The following PRKCA variants were observed in gnomAD, a reference collection of about 807,000 sequenced individuals.
The protein encoded by PRKCA is protein kinase C alpha, also known as protein kinase C alpha type.
PRKCA carries 27 observed loss-of-function variants against 87.0 expected under a neutral mutation model. The ratio of observed to expected loss-of-function variants is 0.31; its 90% confidence interval spans 0.23 to 0.43. The LOEUF is 0.43. PRKCA is among the 20% of genes least tolerant of loss of function. The pLI is 1.00. For synonymous variants in PRKCA, 329 were observed against 311.1 expected (o/e 1.06, Z -0.61); for missense variants, 518 against 852.3 (o/e 0.61, Z 4.88).
At chr17:66,628,884 C>T (rs535511915) in intron 3 of PRKCA, among the ~76,000 whole-genome samples, 1 of 152,238 alleles carries the variant, frequency 6.6e-6, no homozygotes, top group African/African-American at 2.4e-5. Context: ...AAAAAATTAG[C>T]CAGGCATGTT....
intron 14 of PRKCA, among the ~76,000 whole-genome samples, chr17:66,776,373 C>T (rs1975049565): frequency 1.3e-5 from 2 of 152,088 alleles, no homozygotes; most frequent in African/African-American, 4.8e-5. Flanking sequence ...GTCGGTGGCG[C>T]GATCTCAGCT....
intron 2 of PRKCA, among the ~76,000 whole-genome samples, chr17:66,336,227 A>C (rs970942937): frequency 6.6e-6 from 1 of 152,238 alleles, no homozygotes; most frequent in African/African-American, 2.4e-5. Context: ...CATAATATCA[A>C]ACAAGACTGA....
intron 16 of PRKCA, among the ~76,000 whole-genome samples, chr17:66,800,601 T>A (rs1385688493): frequency 6.6e-6 from 1 of 152,228 alleles, no homozygotes. Context: ...GTTTGCTTTT[T>A]AATTTTTCCT....
intron 5 of PRKCA, among the ~76,000 whole-genome samples, chr17:66,659,741 A>G (rs7215434): frequency 0.056 from 8,521 of 151,778 alleles, 793 homozygotes; most frequent in African/African-American, 0.19. Flanking sequence ...ACTCCGTCAC[A>G]AAAAAAAGAA....
chr17:66,386,223 A>G (rs2143613486), intron 2 of PRKCA, among the ~76,000 whole-genome samples: 1 of 152,284 alleles, frequency 6.6e-6, no homozygotes, highest in South Asian at 2.1e-4. Flanking sequence ...CATTAACAGT[A>G]TAGATCTTGG....
At chr17:66,327,073 T>C (rs1202977128) in intron 2 of PRKCA, among the ~76,000 whole-genome samples, 2 of 150,716 alleles carry the variant, frequency 1.3e-5, no homozygotes, top group Admixed American at 6.6e-5. Flanking sequence ...TGTCTCTTAA[T>C]AATAATTAAA....
intron 2 of PRKCA, among the ~76,000 whole-genome samples, chr17:66,314,400 CTT>C (rs1341225729): frequency 2.6e-5 from 4 of 151,994 alleles, no homozygotes; most frequent in Non-Finnish European, 5.9e-5. Flanking sequence ...TAAAAAAACT[CTT>C]TATTAAATTA....
intron 3 of PRKCA, among the ~76,000 whole-genome samples, chr17:66,576,937 C>G (rs966004763): frequency 1.4e-5 from 2 of 146,722 alleles, no homozygotes; most frequent in South Asian, 2.1e-4. Context: ...TCCAGTGGTG[C>G]GATCTTGGCT....
At chr17:66,461,445 C>T (rs367663737) in intron 2 of PRKCA, among the ~76,000 whole-genome samples, 22 of 152,158 alleles carry the variant, frequency 1.4e-4, no homozygotes, top group East Asian at 1.4e-3. Context: ...GTGGAGTGCC[C>T]GTGTCACCTG....
intron 13 of PRKCA, among the ~76,000 whole-genome samples, chr17:66,759,822 A>G (rs1477320001): frequency 1.3e-5 from 2 of 152,242 alleles, no homozygotes; most frequent in East Asian, 3.8e-4. Context: ...GAGCAAGGAG[A>G]GTTATCATGG....
intron 2 of PRKCA, among the ~76,000 whole-genome samples, chr17:66,336,386 G>A (rs1463146456): frequency 1.3e-5 from 2 of 152,168 alleles, no homozygotes; most frequent in Admixed American, 6.5e-5. Flanking sequence ...CTTCTGTAAG[G>A]ACGTGATGTT....
intron 13 of PRKCA, among the ~76,000 whole-genome samples, chr17:66,750,391 G>A (rs1007106629): frequency 6.6e-6 from 1 of 152,178 alleles, no homozygotes; most frequent in Non-Finnish European, 1.5e-5. Flanking sequence ...TTCCCTCAAA[G>A]AAATATTTAA....
intron 2 of PRKCA, among the ~76,000 whole-genome samples, chr17:66,463,308 C>A (rs982344191): frequency 6.6e-6 from 1 of 151,598 alleles, no homozygotes; most frequent in Non-Finnish European, 1.5e-5. Context: ...TTGAACTACA[C>A]GAGTTAACTG....
chr17:66,494,929 C>T (rs377192780), intron 2 of PRKCA, among the ~76,000 whole-genome samples: 43 of 151,960 alleles, frequency 2.8e-4, no homozygotes, highest in African/African-American at 9.2e-4. Flanking sequence ...ATGGTGAAAC[C>T]GTGTCTCTAC....
chr17:66,376,794 C>T (rs981711669), intron 2 of PRKCA, among the ~76,000 whole-genome samples: 1 of 151,940 alleles, frequency 6.6e-6, no homozygotes, highest in African/African-American at 2.4e-5. Flanking sequence ...GGGTGGGGGT[C>T]CCCATGTAAG....
intron 3 of PRKCA, among the ~76,000 whole-genome samples, chr17:66,588,620 T>C (rs1250885436): frequency 6.7e-6 from 1 of 148,394 alleles, no homozygotes; most frequent in Non-Finnish European, 1.5e-5. Flanking sequence ...CTTTCTGAGG[T>C]TTTATTTTGC....
chr17:66,779,726 TGTTAAA>T (rs1329450130), intron 14 of PRKCA, among the ~76,000 whole-genome samples: 101 of 152,204 alleles, frequency 6.6e-4, no homozygotes, highest in Admixed American at 1.9e-3. Context: ...AATCACATAT[TGTTAAA>T]GTGGGAAGGA....
intron 3 of PRKCA, among the ~76,000 whole-genome samples, chr17:66,617,474 A>G (rs1259190923): frequency 6.6e-6 from 1 of 152,086 alleles, no homozygotes; most frequent in African/African-American, 2.4e-5. Flanking sequence ...TTGATGATGA[A>G]CCAGGGGAAA....
At chr17:66,770,182 A>T (rs1252931233) in intron 13 of PRKCA, among the ~76,000 whole-genome samples, 2 of 152,232 alleles carry the variant, frequency 1.3e-5, no homozygotes, top group Non-Finnish European at 2.9e-5. Context: ...AGTATGTGTA[A>T]GTTCATTTGT....
Sources: allele counts gnomAD v4.1 joint callset (sites outside exome capture counted in the v4.1 genomes callset), GRCh38; gene constraint gnomAD v4.1.1; transcripts MANE v1.5; gene names NCBI Gene and HGNC (gene_info 2026-07-23, HGNC 2026-07-21).